Variants in CFAP299 observed in about 807,000 individuals in gnomAD.
The protein encoded by CFAP299 is cilia- and flagella-associated protein 299.
In CFAP299, 21 loss-of-function variants were observed where a neutral mutation model predicts 27.0. The ratio of observed to expected loss-of-function variants is 0.78; its 90% CI spans 0.55 to 1.12. The LOEUF (loss-of-function observed/expected upper bound fraction) is 1.12, where lower values mean the gene tolerates loss of function less well. Among genes scored for constraint, CFAP299 ranks in the 50% most tolerant of loss-of-function variants. The pLI is 0.00. For missense variants in CFAP299, 310 were observed against 276.6 expected (o/e 1.12, Z -0.86); for synonymous variants, 104 against 98.1 (o/e 1.06, Z -0.36).
At chr4:80,800,061 T>C (rs1294076623) in intron 3 of CFAP299, among the ~76,000 whole-genome samples, 1 of 67,432 alleles carries the variant, frequency 1.5e-5, no homozygotes, top group African/African-American at 6.1e-5. Flanking sequence ...AATGCTATAA[T>C]ATATATTATA....
intron 4 of CFAP299, among the ~76,000 whole-genome samples, chr4:80,911,646 A>G (rs1452976619): frequency 3.9e-5 from 6 of 152,120 alleles, no homozygotes; most frequent in Non-Finnish European, 8.8e-5. Flanking sequence ...AATACCATAA[A>G]TCTCATTATG....
chr4:80,715,679 A>G (rs949561808), intron 3 of CFAP299, among the ~76,000 whole-genome samples: 2 of 152,260 alleles, frequency 1.3e-5, no homozygotes, highest in South Asian at 2.1e-4. Flanking sequence ...TTTAAAATAT[A>G]TAAAATGTAC....
At chr4:80,884,820 G>C (rs560696838) in intron 4 of CFAP299, among the ~76,000 whole-genome samples, 37 of 152,138 alleles carry the variant, frequency 2.4e-4, no homozygotes, top group African/African-American at 8.9e-4. Context: ...CCCATTCACT[G>C]GAACACCAAA....
At chr4:80,928,773 G>A (rs762698961) in intron 4 of CFAP299, among the ~76,000 whole-genome samples, 3 of 151,986 alleles carry the variant, frequency 2.0e-5, no homozygotes, top group Non-Finnish European at 4.4e-5. Context: ...GTCCCTAAAA[G>A]GACAGTTACC....
At chr4:80,806,032 A>G (rs1182030538) in intron 3 of CFAP299, among the ~76,000 whole-genome samples, 1 of 152,238 alleles carries the variant, frequency 6.6e-6, no homozygotes, top group Non-Finnish European at 1.5e-5. Flanking sequence ...TATAAGAAAG[A>G]TATCTTAAAT....
At chr4:80,926,813 C>T (rs1736332326) in intron 4 of CFAP299, among the ~76,000 whole-genome samples, 1 of 152,040 alleles carries the variant, frequency 6.6e-6, no homozygotes, top group African/African-American at 2.4e-5. Context: ...AATTATAAGG[C>T]AATGGTCTCA....
At chr4:80,399,701 GA>G (rs1001729227) in intron 2 of CFAP299, among the ~76,000 whole-genome samples, 1 of 120,674 alleles carries the variant, frequency 8.3e-6, no homozygotes, top group African/African-American at 3.1e-5. Context: ...TGAGGTGGGG[GA>G]GGGGGGAGGG....
chr4:80,663,536 T>C (rs1246291528), intron 3 of CFAP299, among the ~76,000 whole-genome samples: 1 of 152,242 alleles, frequency 6.6e-6, no homozygotes, highest in East Asian at 1.9e-4. Context: ...AGTCTATCAT[T>C]GATGGACATT....
chr4:80,387,334 C>T, intron 2 of CFAP299: 2 of 1,577,788 alleles, frequency 1.3e-6, no homozygotes, highest in South Asian at 1.1e-5. Context: ...AGCTTTTGAC[C>T]ACACATTTGT....
chr4:80,626,113 C>T (rs1004842214), intron 3 of CFAP299, among the ~76,000 whole-genome samples: 1 of 151,932 alleles, frequency 6.6e-6, no homozygotes, highest in Non-Finnish European at 1.5e-5. Flanking sequence ...CCACATGGAA[C>T]ATTCTCTAGG....
chr4:80,718,850 A>C (rs1722641904), intron 3 of CFAP299, among the ~76,000 whole-genome samples: 1 of 152,154 alleles, frequency 6.6e-6, no homozygotes, highest in Non-Finnish European at 1.5e-5. Context: ...ACATATATTT[A>C]AACAGTAATT....
intron 2 of CFAP299, among the ~76,000 whole-genome samples, chr4:80,551,468 T>C (rs1010156156): frequency 2.6e-5 from 4 of 152,168 alleles, no homozygotes; most frequent in Non-Finnish European, 5.9e-5. Context: ...GAGAGAAAGA[T>C]ATTTAGACGT....
intron 3 of CFAP299, among the ~76,000 whole-genome samples, chr4:80,635,647 A>G (rs1739437909): frequency 6.6e-6 from 1 of 152,194 alleles, no homozygotes; most frequent in Non-Finnish European, 1.5e-5. Flanking sequence ...AATAAGAGAA[A>G]CATAAAGATA....
rs1727023851 is a variant in CFAP299, at chr4:80,416,656, TAATTA to T, written c.242+53776_242+53780del. ...TCAAAAAGATGCCATTATAATAAGC[TAATTA>T]AATAAAAGATAATTTGTACATTGCA... On this transcript the variant is annotated intron_variant, in intron 2 of 5. Coordinates refer to ENST00000358105, the MANE Select transcript of CFAP299 (RefSeq NM_152770.3). Among the ~76,000 whole-genome samples, 7 of 152,238 alleles carry T rather than the reference TAATTA, an allele frequency of 4.6e-5. 1 individual carries two copies. The highest frequency in any genetic ancestry group is 4.6e-4 in the Admixed American group (7 of 15,284).
At chr4:80,558,366 G>GTTTT (rs1027029926) in intron 2 of CFAP299, among the ~76,000 whole-genome samples, 17 of 129,814 alleles carry the variant, frequency 1.3e-4, no homozygotes, top group East Asian at 2.3e-4. Flanking sequence ...TTGTTTGTTT[G>GTTTT]TTTTTTTTTT....
chr4:80,436,464 A>G (rs1359541982), intron 2 of CFAP299, among the ~76,000 whole-genome samples: 1 of 151,880 alleles, frequency 6.6e-6, no homozygotes, highest in Non-Finnish European at 1.5e-5. Flanking sequence ...ATGCCCGGCT[A>G]ATTTTGTTTT....
intron 3 of CFAP299, among the ~76,000 whole-genome samples, chr4:80,702,031 A>G (rs1721521008): frequency 6.6e-6 from 1 of 151,920 alleles, no homozygotes. Flanking sequence ...TAAGTCATAG[A>G]CACTCTGCCA....
At chr4:80,855,483 G>A (rs891458527) in intron 3 of CFAP299, among the ~76,000 whole-genome samples, 8 of 151,972 alleles carry the variant, frequency 5.3e-5, no homozygotes, top group Non-Finnish European at 1.0e-4. Flanking sequence ...GTATACATGT[G>A]ACATGCTGGT....
chr4:80,872,503 A>G (rs969900433), intron 4 of CFAP299: 7 of 152,170 alleles, frequency 4.6e-5, no homozygotes, highest in African/African-American at 1.7e-4. Flanking sequence ...TTTCATTTAT[A>G]GAAAATTTGA....
Sources: gnomAD v4.1 joint callset for allele counts (sites outside exome capture counted in the v4.1 genomes callset) on GRCh38, gnomAD v4.1.1 for gene constraint, MANE v1.5 for transcripts, NCBI Gene and HGNC (gene_info 2026-07-23, HGNC 2026-07-21) for gene names.